FUS: variants seen among roughly 807,000 people sequenced by gnomAD.
The protein encoded by FUS is RNA-binding protein FUS.
FUS carries 5 observed loss-of-function variants against 82.7 expected under a neutral mutation model. That is an observed-to-expected ratio of 0.06 (90% confidence interval 0.03 to 0.13). FUS has a LOEUF of 0.13. Ranked by LOEUF, FUS falls within the 10% of genes least tolerant of loss-of-function variation. The pLI is 1.00. For synonymous variants in FUS, 281 were observed against 247.4 expected, an observed-to-expected ratio of 1.14 and a Z score of -1.27; for missense variants, 512 against 707.8, an observed-to-expected ratio of 0.72 and a Z score of 3.14.
chr16:31,193,574 C>G (rs1411235202), downstream of FUS: 4 of 529,960 alleles, frequency 7.5e-6, no homozygotes, highest in Non-Finnish European at 1.1e-5. Context: ...CCATTAGTGT[C>G]AAGTTCCTGT....
rs1596897740 is a variant in FUS at position 31,185,067 on chromosome 16, A to G, written c.652A>G (p.Arg218Gly). ...ACAGCAGGACCGTGGAGGCCGCGGCAGGGGTGGCAGTGGTGGCGGCGGCGG... is the reference window on the plus strand; with the variant it reads ...ACAGCAGGACCGTGGAGGCCGCGGCGGGGGTGGCAGTGGTGGCGGCGGCGG... Reference protein sequence around the residue: ...YGQQDRGGRGRGGSGGGGGGG... With the variant: ...YGQQDRGGRGGGGSGGGGGGG... Residue 218 changes from arginine to glycine, a missense_variant, in exon 6 of 15, where the codon AGG becomes GGG. Coordinates refer to ENST00000254108, the MANE Select transcript of FUS (RefSeq NM_004960.4). 1 of 1,610,944 alleles carries G rather than the reference A, an allele frequency of 6.2e-7. No individual in the cohort carries two copies.
In FUS at chr16:31,184,378, G is replaced by A. The variant is rs764921046; in HGVS notation, c.505G>A (p.Gly169Ser). Reference sequence around the variant, plus strand: ...GTACAACAGCAGCAGTGGTGGTGGAGGTGGAGGTGGAGGTGGAGGTGAGAT... The same window carrying A: ...GTACAACAGCAGCAGTGGTGGTGGAAGTGGAGGTGGAGGTGGAGGTGAGAT... ...NQYNSSSGGG[G>S]GGGGGGNYGQ... Residue 169 changes from glycine (G) to serine (S), a missense_variant, in exon 5 of 15, where the codon GGT becomes AGT. Transcript: ENST00000254108. The A allele has an allele frequency of 6.2e-7, 1 of 1,611,700 alleles. No individual in the cohort carries two copies. Among genetic ancestry groups the A allele is most frequent in the South Asian group, 1.1e-5 (1 of 91,024 alleles).
chr16:31,192,675 CTCAGGAGAATCCCAGCT>C (rs569999339), downstream of FUS: 563 of 482,146 alleles, frequency 1.2e-3, 4 homozygotes, highest in Admixed American at 0.012. Context: ...ATTCTCCTGC[CTCAGGAGAATCCCAGCT>C]TCTGAGTAGC....
Position 31,191,435 on chromosome 16 carries a change from T to C in FUS, c.1578T>C (p.Tyr526=), listed in dbSNP as rs1379006634. The change falls in exon 15 of 15, where the codon TAT becomes TAC. Residue 526 remains tyrosine, a synonymous_variant. Transcript: ENST00000254108. ...GACAGGATCGCAGGGAGAGGCCGTA[T>C]TAATTAGCCTGGCTCCCCAGGTTCT... ...EHRQDRRERP[Y] is the part of the protein sequence containing the mutation. 1.2e-6 allele frequency: 2 copies of C among 1,613,350 alleles called. No individual in the cohort carries two copies. Among genetic ancestry groups the C allele is most frequent in the Non-Finnish European group, 1.7e-6 (2 of 1,179,878 alleles).
At chr16:31,185,315 C>T (rs370084425) in intron 6 of FUS, 136 bp downstream of exon 6, 95 of 1,114,454 alleles carry the variant, frequency 8.5e-5, no homozygotes, top group Non-Finnish European at 1.1e-4. Context: ...GATTTGGGGG[C>T]AGTGACTTTC....
At chr16:31,182,709 A>G (rs994378105) in intron 3 of FUS, 45 bp downstream of exon 3, 1 of 1,612,584 alleles carries the variant, frequency 6.2e-7, no homozygotes, top group African/African-American at 1.3e-5. Context: ...CTTTCTGAAT[A>G]TTGCTTTTCT....
intron 7 of FUS, 166 bp from the exon 8 acceptor site, chr16:31,188,159 C>T (rs947542741): frequency 6.0e-5 from 42 of 701,814 alleles, no homozygotes; most frequent in Middle Eastern, 3.9e-4. Flanking sequence ...TCTGGGCAGG[C>T]GACCCAGGAA....
At chr16:31,192,523 C>T (rs572681434), downstream of FUS, 10 of 512,906 alleles carry the variant, frequency 1.9e-5, no homozygotes, top group Non-Finnish European at 2.3e-5. Flanking sequence ...TACAAATGTG[C>T]TGGGGACCCC....
downstream of FUS, chr16:31,192,479 G>C (rs939432215): frequency 5.8e-6 from 3 of 517,590 alleles, no homozygotes; most frequent in African/African-American, 3.8e-5. Context: ...TTTCGAACTT[G>C]GTTTGTAAGA....
downstream of FUS, chr16:31,193,254 T>G (rs1394546552): frequency 7.9e-6 from 4 of 507,320 alleles, no homozygotes; most frequent in Admixed American, 9.1e-5. Context: ...CTGCCAGCAT[T>G]GGGGTGCTCT....
At chr16:31,188,470 G>GA in intron 8 of FUS, 113 bp downstream of exon 8, 2 of 1,122,256 alleles carry the variant, frequency 1.8e-6, no homozygotes, top group Non-Finnish European at 1.4e-6. Context: ...GATAGAGAAG[G>GA]AAGGGAGTTA....
At chr16:31,182,782 T>G (rs752525132) in intron 3 of FUS, 118 bp downstream of exon 3, 11 of 1,261,834 alleles carry the variant, frequency 8.7e-6, no homozygotes, top group Non-Finnish European at 1.3e-5. Flanking sequence ...AGTGGTGCTG[T>G]CTCAGCTCAC....
chr16:31,188,937 A>C (rs1170979134), intron 8 of FUS, 186 bp from the exon 9 acceptor site: 1 of 624,612 alleles, frequency 1.6e-6, no homozygotes, highest in African/African-American at 1.8e-5. Flanking sequence ...ATAATTGTCA[A>C]ACTGAATCTG....
chr16:31,192,306 G>A (rs1230150414), downstream of FUS: 2 of 527,214 alleles, frequency 3.8e-6, no homozygotes, highest in African/African-American at 1.9e-5. Context: ...GGGGGAAGGG[G>A]TTGCAGCCAA....
In FUS at chr16:31,185,002, A is replaced by C. The variant is rs755591829; in HGVS notation, c.587A>C (p.Asn196Thr). ...SGGGSGGGYG[N>T]QDQSGGGGSG... The stretch of plus-strand genomic sequence containing the variant: ...GGTGGCAGTGGTGGCGGTTATGGCA[A>C]TCAAGACCAGAGTGGTGGAGGTGGC... The change falls in exon 6 of 15, where the codon AAT becomes ACT. Residue 196 changes from asparagine (N) to threonine (T), a missense_variant. Transcript: ENST00000254108. 6.2e-7 allele frequency: 1 copy of C among 1,613,296 alleles called. No individual in the cohort carries two copies. Among genetic ancestry groups the C allele is most frequent in the Non-Finnish European group, 8.5e-7 (1 of 1,179,802 alleles).
chr16:31,184,732 T>A (rs919805916), intron 5 of FUS, among the ~76,000 whole-genome samples: 3 of 151,918 alleles, frequency 2.0e-5, no homozygotes, highest in Non-Finnish European at 4.4e-5. Flanking sequence ...CGTGAGCCAC[T>A]GTGCCTGGTG....
At chr16:31,182,041 T>C (rs1392685655) in intron 1 of FUS, among the ~76,000 whole-genome samples, 1 of 152,080 alleles carries the variant, frequency 6.6e-6, no homozygotes, top group African/African-American at 2.4e-5. Flanking sequence ...CTTGCTCTGT[T>C]GCCAGGCTGG....
chr16:31,193,346 C>T (rs886051952), downstream of FUS: 7 of 524,526 alleles, frequency 1.3e-5, no homozygotes, highest in Non-Finnish European at 2.6e-5. Flanking sequence ...ATTGCTTTGA[C>T]TTAGTACATG....
intron 1 of FUS, among the ~76,000 whole-genome samples, chr16:31,181,066 C>A (rs1009095630): frequency 5.9e-5 from 9 of 152,192 alleles, no homozygotes; most frequent in Admixed American, 5.9e-4. Context: ...GCGCCCGCCA[C>A]CACAGCCCGG....
Sources: allele counts gnomAD v4.1 joint callset (sites outside exome capture counted in the v4.1 genomes callset), GRCh38; gene constraint gnomAD v4.1.1; transcripts MANE v1.5; gene names NCBI Gene and HGNC (gene_info 2026-07-23, HGNC 2026-07-21).